MAPT: variants seen among roughly 807,000 people sequenced by gnomAD.
MAPT encodes the protein microtubule associated protein tau.
A neutral mutation model predicts 67.9 loss-of-function variants in MAPT; 34 were observed. That is an observed-to-expected ratio of 0.50 (90% CI 0.38 to 0.67). MAPT has a LOEUF of 0.67. Among genes scored for constraint, MAPT ranks in the 30% least tolerant of loss-of-function variants. The probability of loss-of-function intolerance (pLI) is 0.00; values close to 1 mark genes in which losing one functional copy is unlikely to be tolerated. For missense variants in MAPT, 881 were observed against 1,115.2 expected (o/e 0.79, Z 2.99); for synonymous variants, 456 against 464.5 (o/e 0.98, Z 0.23).
At chr17:46,005,414 C>T (rs2075345362) in intron 9 of MAPT, among the ~76,000 whole-genome samples, 3 of 152,120 alleles carry the variant, frequency 2.0e-5, no homozygotes. Context: ...CCACTCCTTT[C>T]TGAAAGCAGG....
chr17:45,951,423 T>C (rs1487152584), intron 1 of MAPT, among the ~76,000 whole-genome samples: 1 of 152,192 alleles, frequency 6.6e-6, no homozygotes, highest in Non-Finnish European at 1.5e-5. Flanking sequence ...GCAGCAGTGA[T>C]TGGATTTATG....
At chr17:45,978,707 T>C (rs569741035) in intron 4 of MAPT, 23 of 490,890 alleles carry the variant, frequency 4.7e-5, no homozygotes, top group Admixed American at 1.1e-4. Context: ...AGAATGAATG[T>C]CTAACAGAAA....
intron 1 of MAPT, among the ~76,000 whole-genome samples, chr17:45,945,629 A>G (rs1054626396): frequency 8.5e-5 from 13 of 152,188 alleles, no homozygotes; most frequent in Non-Finnish European, 1.6e-4. Flanking sequence ...CCTGGCCAAC[A>G]TGGTGAAACC....
At chr17:46,000,242 T>C (rs1031048174) in intron 9 of MAPT, among the ~76,000 whole-genome samples, 8 of 152,238 alleles carry the variant, frequency 5.3e-5, no homozygotes, top group African/African-American at 9.6e-5. Context: ...CTGCAAATCA[T>C]TGGGGGAAAA....
intron 1 of MAPT, among the ~76,000 whole-genome samples, chr17:45,900,480 T>G (rs28646281): frequency 0.28 from 42,973 of 152,134 alleles, 6,518 homozygotes; most frequent in Middle Eastern, 0.36. Context: ...ACAACTTCCA[T>G]GTATAGTCCC....
chr17:45,908,947 G>C (rs555821423), intron 1 of MAPT, among the ~76,000 whole-genome samples: 1 of 152,252 alleles, frequency 6.6e-6, no homozygotes, highest in African/African-American at 2.4e-5. Context: ...GGTGAGTACT[G>C]AGTCATTCTT....
chr17:46,013,704 C>T (rs892683761), intron 10 of MAPT, among the ~76,000 whole-genome samples: 3 of 152,180 alleles, frequency 2.0e-5, no homozygotes, highest in African/African-American at 7.2e-5. Context: ...TCCGTGGAAG[C>T]TTTTCCTGGA....
At chr17:45,913,091 G>C (rs773185322) in intron 1 of MAPT, among the ~76,000 whole-genome samples, 2 of 152,192 alleles carry the variant, frequency 1.3e-5, no homozygotes, top group Non-Finnish European at 2.9e-5. Flanking sequence ...CCGTTTTCAC[G>C]CTGCTGATAA....
chr17:45,974,071 AGT>A (rs2072033871), intron 3 of MAPT: 1 of 426,842 alleles, frequency 2.3e-6, no homozygotes, highest in Non-Finnish European at 4.4e-6. Flanking sequence ...TCTGGTTTTC[AGT>A]ATTTCTTCTT....
intron 6 of MAPT, 62 bp downstream of exon 6, chr17:45,987,157 T>C: frequency 6.9e-7 from 1 of 1,455,328 alleles, no homozygotes; most frequent in South Asian, 1.1e-5. Flanking sequence ...CTGTGCTTTA[T>C]GTCTGATTCA....
chr17:45,911,652 T>C (rs1290945654), intron 1 of MAPT, among the ~76,000 whole-genome samples: 1 of 152,010 alleles, frequency 6.6e-6, no homozygotes, highest in Non-Finnish European at 1.5e-5. Flanking sequence ...TAGTCCCAGC[T>C]ACTCAGGAGG....
chr17:45,937,228 C>T (rs1210241558), intron 1 of MAPT, among the ~76,000 whole-genome samples: 1 of 152,162 alleles, frequency 6.6e-6, no homozygotes, highest in African/African-American at 2.4e-5. Flanking sequence ...GGCCCCCTCT[C>T]ACCTCTGCCC....
chr17:45,957,602 T>C (rs2069884219), intron 1 of MAPT, among the ~76,000 whole-genome samples: 1 of 152,190 alleles, frequency 6.6e-6, no homozygotes, highest in African/African-American at 2.4e-5. Flanking sequence ...CCTGGTTAAT[T>C]AATCATCCAC....
chr17:45,920,062 A>G (rs2065548741), intron 1 of MAPT, among the ~76,000 whole-genome samples: 1 of 152,250 alleles, frequency 6.6e-6, no homozygotes, highest in South Asian at 2.1e-4. Flanking sequence ...TAGACAGGGA[A>G]CCTTCCAGAT....
rs572767823 is a variant in MAPT at position 45,981,217 on chromosome 17, C to A, written c.287-1649C>A. On this transcript the variant is annotated intron_variant, in intron 4 of 12. Transcript: ENST00000262410. ...CTCTTTCTTTTCCAAGCCCCTGAAT[C>A]CTTCAGGGCTGCAGGTTTTGTTTAA... Among the ~76,000 whole-genome samples, 223 of 152,304 alleles carry A rather than the reference C, an allele frequency of 1.5e-3. 2 individuals carry two copies. The highest frequency in any genetic ancestry group is 0.01 in the Middle Eastern group (3 of 292).
At chr17:45,977,305 C>T (rs62063779) in intron 3 of MAPT, 22,012 of 152,302 alleles carry the variant, frequency 0.14, 2,139 homozygotes, top group Non-Finnish European at 0.22. Context: ...CGGTGGGGAT[C>T]CGGCATTCCT....
chr17:46,015,969 G>C (rs1301277334), intron 11 of MAPT, among the ~76,000 whole-genome samples: 1 of 152,222 alleles, frequency 6.6e-6, no homozygotes, highest in Non-Finnish European at 1.5e-5. Context: ...TCAGACTCGA[G>C]GTTCAGCTAT....
intron 1 of MAPT, among the ~76,000 whole-genome samples, chr17:45,924,548 G>T (rs2066079590): frequency 1.3e-5 from 2 of 152,224 alleles, no homozygotes; most frequent in Non-Finnish European, 2.9e-5. Context: ...CCCCTGGGGT[G>T]CCTGTGATGC....
intron 1 of MAPT, among the ~76,000 whole-genome samples, chr17:45,922,163 G>C (rs62058965): frequency 0.14 from 21,790 of 151,944 alleles, 2,135 homozygotes; most frequent in Middle Eastern, 0.22. Context: ...CAAGCATGCA[G>C]CACCACACCT....
Sources: allele counts gnomAD v4.1 joint callset (sites outside exome capture counted in the v4.1 genomes callset), GRCh38; gene constraint gnomAD v4.1.1; transcripts MANE v1.5; gene names NCBI Gene and HGNC (gene_info 2026-07-23, HGNC 2026-07-21).